The following GFI1B variants were observed in gnomAD, a reference collection of about 807,000 sequenced individuals.
The protein encoded by GFI1B is growth factor independent 1B transcriptional repressor.
A neutral mutation model predicts 35.3 loss-of-function variants in GFI1B; 20 were observed. The ratio of observed to expected loss-of-function variants is 0.57; its 90% confidence interval spans 0.40 to 0.82. The LOEUF (loss-of-function observed/expected upper bound fraction) is 0.82, where lower values mean the gene tolerates loss of function less well. Ranked by LOEUF, GFI1B falls within the 40% of genes least tolerant of loss-of-function variation. GFI1B has a pLI of 0.00. For synonymous variants in GFI1B, 178 were observed against 177.6 expected (o/e 1.00, Z -0.02); for missense variants, 430 against 446.3 (o/e 0.96, Z 0.33).
At chr9:132,993,374 A>G (rs1311446019), downstream of GFI1B, among the ~76,000 whole-genome samples, 1 of 152,110 alleles carries the variant, frequency 6.6e-6, no homozygotes, top group Non-Finnish European at 1.5e-5. Context: ...CTAGCAGAGC[A>G]CAGAAAGCTG....
chr9:132,958,843 A>G (rs1262176881), intron 1 of GFI1B, among the ~76,000 whole-genome samples: 1 of 152,148 alleles, frequency 6.6e-6, no homozygotes, highest in Non-Finnish European at 1.5e-5. Flanking sequence ...TGGAGTTTAG[A>G]CTTGAAGGCA....
intron 1 of GFI1B, among the ~76,000 whole-genome samples, chr9:132,956,926 C>A (rs1046350272): frequency 3.3e-5 from 5 of 152,208 alleles, no homozygotes; most frequent in African/African-American, 1.2e-4. Flanking sequence ...AGATTCAGTT[C>A]CTTGTCATGT....
chr9:132,988,536 G>C (rs1849167955), intron 4 of GFI1B, 68 bp downstream of exon 4: 2 of 1,420,256 alleles, frequency 1.4e-6, no homozygotes, highest in South Asian at 1.2e-5. Context: ...CTCACTGGCA[G>C]CTCTGGGCGT....
chr9:132,986,880 C>T lies in GFI1B; in HGVS notation c.100+102C>T. 5 of 743,488 alleles carry T rather than the reference C, an allele frequency of 6.7e-6. No homozygotes were observed. In the South Asian group the frequency reaches 7.5e-5, roughly 11 times the overall value. 46.1% of individuals were successfully genotyped at this position (743,488 alleles called of 1,614,324 possible). On this transcript the variant is annotated intron_variant, in intron 2 of 6. Transcript: ENST00000372122. ...TCCCTCCTGCAGCAGCCTCTTCTTCCAAGTCTGGAAACAGGAGTGCAGTAA... is the reference window on the plus strand; with the variant it reads ...TCCCTCCTGCAGCAGCCTCTTCTTCTAAGTCTGGAAACAGGAGTGCAGTAA...
chr9:132,989,671 C>T lies in GFI1B; in HGVS notation c.649-71C>T, dbSNP rs1050720309. 3.6e-5 allele frequency: 47 copies of T among 1,322,950 alleles called. No homozygotes were observed. Among genetic ancestry groups the T allele is most frequent in the South Asian group, 6.1e-5 (5 of 82,628 alleles). 82.0% of individuals were successfully genotyped at this position (1,322,950 alleles called of 1,614,324 possible). A position where few individuals can be genotyped will look rare whatever the true frequency, so the allele number is the denominator to read the frequency against. ...GCCGCCCCAATGGAGTGTCCTGTTC[C>T]GCAGGGGATCCCGGCCGGGTCCAGT... On this transcript the variant is annotated intron_variant, in intron 5 of 6. Coordinates refer to ENST00000372122, the MANE Select transcript of GFI1B (RefSeq NM_001377304.1). This position sits in a 1 kb window ranked among gnomAD's most constrained non-coding sequence, Gnocchi z 6.2.
chr9:132,948,332 AAG>A (rs1848152662), intron 1 of GFI1B, among the ~76,000 whole-genome samples: 6 of 152,316 alleles, frequency 3.9e-5, no homozygotes, highest in African/African-American at 1.4e-4. Context: ...CAGAGATGGA[AAG>A]AGAAATTCAT....
chr9:132,990,880 C>T lies in GFI1B; in HGVS notation c.823C>T (p.Pro275Ser). The T allele has an allele frequency of 6.2e-7, 1 of 1,614,218 alleles. No homozygotes were observed. The highest frequency in any genetic ancestry group is 8.5e-7 in the Non-Finnish European group (1 of 1,180,016). Residue 275 changes from proline to serine, a missense_variant, in exon 7 of 7, where the codon CCG becomes TCG. Pro to Ser is a moderately conservative substitution (Grantham distance 74). Coordinates refer to ENST00000372122, the MANE Select transcript of GFI1B (RefSeq NM_001377304.1). ...CGCTGCCCTCCCTGCAGGTGAGAAG[C>T]CGCACAAGTGCCAGGTGTGCGGAAA... ...KHTYIHTGEK[P>S]HKCQVCGKAF... is the part of the protein sequence containing the mutation.
chr9:132,980,033 G>A (rs1964196), intron 1 of GFI1B, among the ~76,000 whole-genome samples: 78,158 of 152,078 alleles, frequency 0.51, 20,426 homozygotes, highest in Admixed American at 0.63. Context: ...TCTTGTCCTC[G>A]GAAGTATTGC....
At chr9:132,983,548 C>T (rs111968150) in intron 1 of GFI1B, among the ~76,000 whole-genome samples, 232 of 152,192 alleles carry the variant, frequency 1.5e-3, no homozygotes, top group African/African-American at 5.2e-3. Context: ...GTGCTGCAGG[C>T]GGTGTTCACC....
At chr9:132,969,558 T>C (rs1848502093) in intron 1 of GFI1B, among the ~76,000 whole-genome samples, 2 of 152,236 alleles carry the variant, frequency 1.3e-5, no homozygotes, top group Non-Finnish European at 2.9e-5. Context: ...GGGTTGCCTC[T>C]ACCTTTTGGC....
intron 1 of GFI1B, chr9:132,952,318 C>G (rs1164261886): frequency 6.6e-6 from 1 of 151,982 alleles, no homozygotes; most frequent in Admixed American, 6.6e-5. Flanking sequence ...ATCTCTCTCT[C>G]TTTTTCTTTT....
intron 1 of GFI1B, among the ~76,000 whole-genome samples, chr9:132,955,841 T>TGTGTGTGTGTGTG (rs1848276526): frequency 6.7e-6 from 1 of 148,522 alleles, no homozygotes; most frequent in Non-Finnish European, 1.5e-5. Context: ...TGTGTGTGTG[T>TGTGTGTGTGTGTG]TTAAGGAATT....
Position 132,989,034 on chromosome 9 carries a change from G to A in GFI1B, c.511-27G>A, listed in dbSNP as rs1224162964. 2 of 1,612,300 alleles carry A rather than the reference G, an allele frequency of 1.2e-6. No individual in the cohort carries two copies. Among genetic ancestry groups the A allele is most frequent in the Non-Finnish European group, 1.7e-6 (2 of 1,178,442 alleles). ...TGTCCCTGTCACCGCAGCCCCCAGT[G>A]GCCTCACATGCTGCCCCTGCTCCCA... On this transcript the variant is annotated intron_variant, in intron 4 of 6. Transcript: ENST00000372122. The surrounding 1 kb of genome is among the most constrained non-coding windows in gnomAD (Gnocchi z 6.2).
intron 1 of GFI1B, among the ~76,000 whole-genome samples, chr9:132,979,446 C>T (rs1358038907): frequency 6.6e-6 from 1 of 151,924 alleles, no homozygotes; most frequent in Non-Finnish European, 1.5e-5. Context: ...ACCATGTTGG[C>T]CAGGCTGGTC....
chr9:132,949,075 G>A (rs369949228), intron 1 of GFI1B, among the ~76,000 whole-genome samples: 3 of 152,138 alleles, frequency 2.0e-5, no homozygotes, highest in Non-Finnish European at 4.4e-5. Context: ...AGGTGATCAC[G>A]GATCCCCACA....
intron 1 of GFI1B, among the ~76,000 whole-genome samples, chr9:132,986,427 T>G (rs1032380898): frequency 2.0e-5 from 3 of 152,194 alleles, no homozygotes; most frequent in Non-Finnish European, 2.9e-5. Context: ...ACGAGTCATC[T>G]TGGATTGAGG....
chr9:132,979,832 A>T (rs1848758172), intron 1 of GFI1B, among the ~76,000 whole-genome samples: 1 of 152,198 alleles, frequency 6.6e-6, no homozygotes, highest in Non-Finnish European at 1.5e-5. Flanking sequence ...GTGCCCGTGT[A>T]CATTTTTCCG....
chr9:132,969,134 T>C (rs965200962), intron 1 of GFI1B, among the ~76,000 whole-genome samples: 1 of 152,024 alleles, frequency 6.6e-6, no homozygotes, highest in Non-Finnish European at 1.5e-5. Context: ...GTTCAAGCGC[T>C]TCTCATGCCT....
intron 1 of GFI1B, chr9:132,952,178 G>C (rs1848212085): frequency 6.6e-6 from 1 of 151,956 alleles, no homozygotes; most frequent in African/African-American, 2.4e-5. Flanking sequence ...AAATTCTATT[G>C]ATTTTTGTAG....
Sources: gnomAD v4.1 joint callset for allele counts (sites outside exome capture counted in the v4.1 genomes callset) on GRCh38, gnomAD v4.1.1 for gene constraint, Gnocchi (gnomAD v3.1) non-coding constraint, MANE v1.5 for transcripts, NCBI Gene and HGNC (gene_info 2026-07-23, HGNC 2026-07-21) for gene names.